The following FAM169A variants were observed in gnomAD, a reference collection of about 807,000 sequenced individuals.
The protein encoded by FAM169A is soluble lamin-associated protein of 75 kDa.
A neutral mutation model predicts 75.7 loss-of-function variants in FAM169A; 24 were observed. That is an observed-to-expected ratio of 0.32 (90% CI 0.23 to 0.45). The LOEUF is 0.45. Ranked by LOEUF, FAM169A falls within the 20% of genes least tolerant of loss-of-function variation. FAM169A has a pLI of 1.00. For synonymous variants in FAM169A, 271 were observed against 271.0 expected, an observed-to-expected ratio of 1.00 and a Z score of 0.00; for missense variants, 673 against 784.0, an observed-to-expected ratio of 0.86 and a Z score of 1.69.
chr5:74,864,442 C>T (rs1474015148), intron 1 of FAM169A, among the ~76,000 whole-genome samples: 3 of 152,216 alleles, frequency 2.0e-5, no homozygotes, highest in African/African-American at 7.2e-5. Context: ...GTTGGCCAGG[C>T]TGGTCTTGAA....
intron 5 of FAM169A, among the ~76,000 whole-genome samples, chr5:74,824,107 C>T (rs556583676): frequency 6.6e-5 from 10 of 152,212 alleles, no homozygotes; most frequent in Admixed American, 4.6e-4. Flanking sequence ...ATGAAGATTA[C>T]AAAAACCAGA....
At position 74,823,987 on chromosome 5, in the gene FAM169A, A is replaced by T. The variant is rs532764635; in HGVS notation, c.491-9968T>A. Among the ~76,000 whole-genome samples, 4 of 152,322 alleles carry T rather than the reference A, an allele frequency of 2.6e-5. No individual in the cohort carries two copies. The South Asian group carries it at 8.3e-4, about 32-fold the overall frequency. ...CAGGAAGTGAGTAATCTGTCCAAAA[A>T]AGTAGGGAAGATCATGGATATAGCC... On this transcript the variant is annotated intron_variant, in intron 5 of 12. Coordinates refer to ENST00000687041, the MANE Select transcript of FAM169A (RefSeq NM_001376049.1).
intron 5 of FAM169A, among the ~76,000 whole-genome samples, chr5:74,814,388 A>C (rs183871834): frequency 5.2e-4 from 79 of 152,286 alleles, no homozygotes; most frequent in African/African-American, 1.9e-3. Flanking sequence ...AGAGTATTTG[A>C]AGACTATCAT....
chr5:74,793,938 GCTTGC>G (rs2112497561), intron 11 of FAM169A, among the ~76,000 whole-genome samples: 1 of 148,982 alleles, frequency 6.7e-6, no homozygotes, highest in South Asian at 2.1e-4. Context: ...AGGAGGCAGA[GCTTGC>G]AGTGAGCCGA....
intron 6 of FAM169A, among the ~76,000 whole-genome samples, chr5:74,807,384 G>C (rs1274262187): frequency 6.6e-6 from 1 of 152,158 alleles, no homozygotes; most frequent in Non-Finnish European, 1.5e-5. Context: ...TTGCCCTTGC[G>C]ATCACCTGGC....
intron 4 of FAM169A, among the ~76,000 whole-genome samples, chr5:74,836,764 A>G (rs1351990836): frequency 6.6e-6 from 1 of 152,166 alleles, no homozygotes; most frequent in Non-Finnish European, 1.5e-5. Context: ...CCTGGCCAAC[A>G]TGGCGAAACC....
At chr5:74,793,160 A>G (rs1322787280) in intron 11 of FAM169A, among the ~76,000 whole-genome samples, 3 of 152,062 alleles carry the variant, frequency 2.0e-5, no homozygotes, top group African/African-American at 7.2e-5. Context: ...CCCCGTCTCT[A>G]CTACAAATAC....
rs1367268393 is a variant in FAM169A at position 74,857,595 on chromosome 5, A to AC, written c.-4+8569_-4+8570insG. Among the ~76,000 whole-genome samples, 9 of 137,250 alleles carry AC rather than the reference A, an allele frequency of 6.6e-5. No individual in the cohort carries two copies. The East Asian group carries it at 7.8e-4, about 12-fold the overall frequency. The allele number at this position is 137,250 out of a possible 152,430, so 90.0% of individuals were successfully genotyped here. A position where few individuals can be genotyped will look rare whatever the true frequency, so the allele number is the denominator to read the frequency against. On this transcript the variant is annotated intron_variant, in intron 1 of 12. Coordinates refer to ENST00000687041, the MANE Select transcript of FAM169A (RefSeq NM_001376049.1). Reference sequence around the variant, plus strand: ...GGGAAAAAAAAAAAAAAAAAAAAAAAAAAAAAAAACTTCCCTTAAAATATT... The same window carrying AC: ...GGGAAAAAAAAAAAAAAAAAAAAAAACAAAAAAAAACTTCCCTTAAAATATT...
Position 74,777,583 on chromosome 5 carries a change from ATTGT to A in FAM169A, c.*3873_*3876del, listed in dbSNP as rs900030553. ...ATCTATAATCACCACATTGTTTTAA[ATTGT>A]TTATTTTTTTTTTAAAGAAGTCTGT... On this transcript the variant is annotated 3_prime_UTR_variant, in exon 13 of 13. Coordinates refer to ENST00000687041, the MANE Select transcript of FAM169A (RefSeq NM_001376049.1). 5.4e-5 allele frequency: 8 copies of A among 147,620 alleles called. No individual in the cohort carries two copies. Among genetic ancestry groups the A allele is most frequent in the Admixed American group, 1.3e-4 (2 of 14,948 alleles). 9.1% of individuals were successfully genotyped at this position (147,620 alleles called of 1,614,324 possible).
chr5:74,852,175 T>C (rs1749476863), intron 1 of FAM169A, among the ~76,000 whole-genome samples: 1 of 152,208 alleles, frequency 6.6e-6, no homozygotes, highest in Non-Finnish European at 1.5e-5. Flanking sequence ...CCTAGTATTT[T>C]CACTAGACAA....
At chr5:74,860,996 G>A (rs1750005714) in intron 1 of FAM169A, among the ~76,000 whole-genome samples, 1 of 152,052 alleles carries the variant, frequency 6.6e-6, no homozygotes, top group Admixed American at 6.6e-5. Context: ...AATTAGCCAG[G>A]CATAGCGGCG....
At chr5:74,834,132 G>A (rs1178804210) in intron 5 of FAM169A, among the ~76,000 whole-genome samples, 1 of 152,100 alleles carries the variant, frequency 6.6e-6, no homozygotes. Flanking sequence ...TTTTGGAAAT[G>A]TGAGGGCTAG....
intron 12 of FAM169A, 56 bp from the exon 13 acceptor site, chr5:74,782,064 A>G: frequency 7.4e-7 from 1 of 1,349,188 alleles, no homozygotes; most frequent in South Asian, 1.4e-5. Flanking sequence ...CTAAAAATAA[A>G]TTCTCAGGCT....
intron 1 of FAM169A, among the ~76,000 whole-genome samples, chr5:74,858,839 T>C (rs1246437757): frequency 6.6e-6 from 1 of 152,132 alleles, no homozygotes; most frequent in Non-Finnish European, 1.5e-5. Flanking sequence ...CAATGCCATA[T>C]CTAAAATTAG....
At position 74,796,155 on chromosome 5, in the gene FAM169A, A is replaced by G; in HGVS notation, c.1135T>C (p.Ser379Pro). 1 of 1,613,990 alleles carries G rather than the reference A, an allele frequency of 6.2e-7. No individual in the cohort carries two copies. The highest frequency in any genetic ancestry group is 1.1e-5 in the South Asian group (1 of 91,042). ...LESTARPSES[S>P]EEFLEEEPEQ... Reference sequence around the variant, plus strand: ...GGTTCTTCTTCCAGGAATTCTTCTGAGCTCTCTGATGGGCGTGCAGTAGAC... The same window carrying G: ...GGTTCTTCTTCCAGGAATTCTTCTGGGCTCTCTGATGGGCGTGCAGTAGAC... The change falls in exon 11 of 13, where the codon TCA becomes CCA. Residue 379 changes from serine to proline, a missense_variant. Ser to Pro is a moderately conservative substitution (Grantham distance 74). Coordinates refer to ENST00000687041, the MANE Select transcript of FAM169A (RefSeq NM_001376049.1).
rs1194674402 is a variant in FAM169A at position 74,805,524 on chromosome 5, C to CTTTTTTTTTTTT, written c.671-252_671-241dup. Reference sequence around the variant, plus strand: ...AAAAATCCTTTAAAAATGTGCTTCGCTTTTTTTTTTTTTTTTTTTTTTTGG... The same window carrying CTTTTTTTTTTTT: ...AAAAATCCTTTAAAAATGTGCTTCGCTTTTTTTTTTTTTTTTTTTTTTTTTTTTTTTTTTTGG... On this transcript the variant is annotated intron_variant, in intron 6 of 12. Coordinates refer to ENST00000687041, the MANE Select transcript of FAM169A (RefSeq NM_001376049.1). 2.1e-4 allele frequency among the ~76,000 whole-genome samples: 17 copies of CTTTTTTTTTTTT among 81,926 alleles called. 2 individuals carry two copies. The highest frequency in any genetic ancestry group is 1.9e-3 in the East Asian group (5 of 2,670). 53.7% of individuals were successfully genotyped at this position (81,926 alleles called of 152,430 possible).
At chr5:74,865,357 C>T (rs555158780) in intron 1 of FAM169A, 2 of 152,286 alleles carry the variant, frequency 1.3e-5, no homozygotes, top group South Asian at 4.2e-4. Flanking sequence ...GAACGGCTCT[C>T]CCAGCGGGGG....
chr5:74,821,797 G>T (rs1443227404), intron 5 of FAM169A, among the ~76,000 whole-genome samples: 2 of 152,116 alleles, frequency 1.3e-5, no homozygotes, highest in African/African-American at 4.8e-5. Context: ...AAAACATATT[G>T]GCTTAGAACT....
chr5:74,792,233 G>A (rs1746014504), intron 11 of FAM169A, among the ~76,000 whole-genome samples: 1 of 152,172 alleles, frequency 6.6e-6, no homozygotes, highest in Admixed American at 6.5e-5. Context: ...AACTTGATTG[G>A]ATTGAAGGAT....
Sources: allele counts gnomAD v4.1 joint callset (sites outside exome capture counted in the v4.1 genomes callset), GRCh38; gene constraint gnomAD v4.1.1; transcripts MANE v1.5; gene names NCBI Gene and HGNC (gene_info 2026-07-23, HGNC 2026-07-21).